Variants in GLI3 observed in about 807,000 individuals in gnomAD.
GLI3 encodes the protein transcription activator GLI3.
In GLI3, 20 loss-of-function variants were observed where a neutral mutation model predicts 100.8. The observed-to-expected ratio is 0.20, with a 90% confidence interval of 0.14 to 0.29. The LOEUF (loss-of-function observed/expected upper bound fraction) is 0.29, where lower values mean the gene tolerates loss of function less well. Among genes scored for constraint, GLI3 ranks in the 10% least tolerant of loss-of-function variants. GLI3 has a pLI of 1.00. For missense variants in GLI3, 2,040 were observed against 2,128.5 expected, an observed-to-expected ratio of 0.96 and a Z score of 0.82; for synonymous variants, 938 against 860.5, an observed-to-expected ratio of 1.09 and a Z score of -1.58.
chr7:42,066,082 AATGTAATTC>A (rs1784669284), intron 4 of GLI3, among the ~76,000 whole-genome samples: 1 of 152,176 alleles, frequency 6.6e-6, no homozygotes, highest in Non-Finnish European at 1.5e-5. Context: ...GGCTCGGAGG[AATGTAATTC>A]ATGCAGAAAA....
upstream of GLI3, among the ~76,000 whole-genome samples, chr7:42,242,015 T>G (rs1043391586): frequency 3.3e-5 from 5 of 152,158 alleles, no homozygotes; most frequent in African/African-American, 1.2e-4. Flanking sequence ...TAACCAGTGT[T>G]TTCTTGAGGT....
intron 1 of GLI3, among the ~76,000 whole-genome samples, chr7:42,236,754 C>G (rs1434554830): frequency 1.3e-5 from 2 of 152,216 alleles, no homozygotes; most frequent in East Asian, 1.9e-4. Context: ...GTCCGCGGGT[C>G]GGACTCTTCG....
chr7:42,056,273 CA>C (rs1351111561), intron 4 of GLI3, among the ~76,000 whole-genome samples: 2 of 152,182 alleles, frequency 1.3e-5, no homozygotes, highest in East Asian at 3.8e-4. Context: ...TTTCAAGGAG[CA>C]TGATACATGG....
At chr7:41,971,547 C>A (rs573303449) in intron 13 of GLI3, among the ~76,000 whole-genome samples, 2 of 152,242 alleles carry the variant, frequency 1.3e-5, no homozygotes, top group African/African-American at 4.8e-5. Flanking sequence ...GTAGCAGAGC[C>A]CACATGTCCT....
intron 7 of GLI3, among the ~76,000 whole-genome samples, chr7:42,037,036 G>A (rs1789461724): frequency 6.6e-6 from 1 of 152,164 alleles, no homozygotes; most frequent in South Asian, 2.1e-4. Flanking sequence ...CAGCTATCGG[G>A]AGGCTGAGGC....
rs1023415394 is a variant in GLI3, at chr7:42,124,062, C to T, written c.367+24164G>A. ...ACTCTCCCACCGCAGCTGCCTCTCC[C>T]CACTGTCTTGTCTTGCCTTCCATTA... is the stretch of plus-strand genomic sequence containing the variant. On this transcript the variant is annotated intron_variant, in intron 3 of 14. Coordinates refer to ENST00000395925, the MANE Select transcript of GLI3 (RefSeq NM_000168.6). Among the ~76,000 whole-genome samples, 27 of 152,272 alleles carry T rather than the reference C, an allele frequency of 1.8e-4. 1 individual carries two copies. Among genetic ancestry groups the T allele is most frequent in the Middle Eastern group, 6.8e-3 (2 of 294 alleles).
At chr7:42,131,329 C>T in intron 3 of GLI3, among the ~76,000 whole-genome samples, 1 of 152,000 alleles carries the variant, frequency 6.6e-6, no homozygotes, top group East Asian at 1.9e-4. Context: ...GGATGTAAGA[C>T]TATTGTAAAG....
intron 4 of GLI3, among the ~76,000 whole-genome samples, chr7:42,069,676 G>A (rs1221922613): frequency 2.6e-5 from 4 of 152,208 alleles, no homozygotes; most frequent in Non-Finnish European, 4.4e-5. Flanking sequence ...GAGTGAAGAT[G>A]GAGAGGGGGT....
intron 3 of GLI3, among the ~76,000 whole-genome samples, chr7:42,082,573 C>A (rs1785019003): frequency 6.6e-6 from 1 of 152,082 alleles, no homozygotes; most frequent in Admixed American, 6.5e-5. Flanking sequence ...TGGGCAGAAT[C>A]CCCACAGCAT....
intron 10 of GLI3, among the ~76,000 whole-genome samples, chr7:41,986,180 G>A (rs187377597): frequency 2.0e-5 from 3 of 152,082 alleles, no homozygotes; most frequent in East Asian, 1.9e-4. Flanking sequence ...GAATTAGGAC[G>A]AGATAAAAAA....
intron 10 of GLI3, among the ~76,000 whole-genome samples, chr7:41,990,470 G>A (rs1024744652): frequency 7.2e-5 from 11 of 152,236 alleles, no homozygotes; most frequent in African/African-American, 2.4e-4. Flanking sequence ...AATGCCCTAC[G>A]AAAGCAACCA....
chr7:42,076,755 T>C lies in GLI3; in HGVS notation c.470A>G (p.His157Arg), dbSNP rs1032432055. The change falls in exon 4 of 15, where the codon CAT becomes CGT. Residue 157 changes from histidine to arginine, a missense_variant. Physicochemically the swap from His to Arg is conservative, Grantham distance 29. Transcript: ENST00000395925. ...TGAAGAAAGTGTTAATACTTACATA[T>C]GCAATGGAGGAATCGGAGATGGATC... ...HYDPSPIPPL[H>R]MTSALSSSPT... The C allele has an allele frequency of 3.8e-6, 6 of 1,559,554 alleles. No homozygotes were observed. Among genetic ancestry groups the C allele is most frequent in the African/African-American group, 1.4e-5 (1 of 73,846 alleles).
chr7:41,988,954 C>T, intron 10 of GLI3, among the ~76,000 whole-genome samples: 1 of 152,114 alleles, frequency 6.6e-6, no homozygotes, highest in Non-Finnish European at 1.5e-5. Context: ...GTATTTAAGT[C>T]CTATTGTGAT....
At chr7:42,115,043 T>C (rs1785815194) in intron 3 of GLI3, among the ~76,000 whole-genome samples, 1 of 149,084 alleles carries the variant, frequency 6.7e-6, no homozygotes, top group African/African-American at 2.5e-5. Context: ...TTTGCAATAG[T>C]GAAGAAATAA....
intron 2 of GLI3, among the ~76,000 whole-genome samples, chr7:42,171,096 A>G (rs2128676505): frequency 6.6e-6 from 1 of 152,332 alleles, no homozygotes; most frequent in East Asian, 1.9e-4. Flanking sequence ...GAACTGTATT[A>G]TCAGTTCACT....
chr7:42,211,478 C>A (rs923326207), intron 2 of GLI3, among the ~76,000 whole-genome samples: 3 of 152,056 alleles, frequency 2.0e-5, no homozygotes, highest in Non-Finnish European at 2.9e-5. Flanking sequence ...AATGGACCAA[C>A]GTATGTTTTC....
intron 10 of GLI3, among the ~76,000 whole-genome samples, chr7:42,000,975 G>A (rs575992957): frequency 3.9e-5 from 6 of 152,170 alleles, no homozygotes; most frequent in African/African-American, 4.8e-5. Context: ...GGCCGGGAGC[G>A]GTGGCTCATG....
chr7:42,132,245 C>T (rs1355505903), intron 3 of GLI3, among the ~76,000 whole-genome samples: 3 of 145,488 alleles, frequency 2.1e-5, no homozygotes, highest in Non-Finnish European at 3.0e-5. Context: ...GGACTACAGG[C>T]GCCCGCCACT....
At chr7:42,098,325 A>T (rs1351604867) in intron 3 of GLI3, among the ~76,000 whole-genome samples, 1 of 152,152 alleles carries the variant, frequency 6.6e-6, no homozygotes, top group Non-Finnish European at 1.5e-5. Flanking sequence ...ACGCTAACGG[A>T]AAAAGATGCT....
Sources: allele counts gnomAD v4.1 joint callset (sites outside exome capture counted in the v4.1 genomes callset), GRCh38; gene constraint gnomAD v4.1.1; transcripts MANE v1.5; gene names NCBI Gene and HGNC (gene_info 2026-07-23, HGNC 2026-07-21).